STK3: variants seen among roughly 807,000 people sequenced by gnomAD.
The protein encoded by STK3 is serine/threonine kinase 3, also known as serine/threonine-protein kinase 3.
Under a neutral mutation model 58.0 loss-of-function variants are expected in STK3, and 41 were observed. The ratio of observed to expected loss-of-function variants is 0.71; its 90% CI spans 0.55 to 0.92. STK3 has a LOEUF of 0.92. STK3 is among the 40% of genes least tolerant of loss of function. The pLI, the probability that STK3 is intolerant of heterozygous loss-of-function variation, is 0.00. For synonymous variants in STK3, 170 were observed against 191.0 expected (o/e 0.89, Z 0.91); for missense variants, 479 against 602.7 (o/e 0.79, Z 2.15).
intron 4 of STK3, among the ~76,000 whole-genome samples, chr8:98,714,395 C>G (rs957166853): frequency 9.3e-4 from 142 of 152,248 alleles, no homozygotes; most frequent in African/African-American, 3.2e-3. Flanking sequence ...ATTGTCTCAG[C>G]CCAAAATCTC....
chr8:98,895,913 T>C (rs886218987), intron 1 of STK3, among the ~76,000 whole-genome samples: 1 of 152,210 alleles, frequency 6.6e-6, no homozygotes, highest in Non-Finnish European at 1.5e-5. Context: ...TATTGAATAC[T>C]ACTATGTCCC....
At position 98,923,406 on chromosome 8, in the gene STK3, A is replaced by G. The variant is rs73279734; in HGVS notation, c.-79+18972T>C. On this transcript the variant is annotated intron_variant, in intron 1 of 1. Coordinates refer to the STK3 transcript ENST00000519420. ...GCTTTTTAGAGTAGGCCTTGATTGC[A>G]TTTCAGAACAAATGCATTGATAGTT... Among the ~76,000 whole-genome samples, 967 of 152,350 alleles carry G rather than the reference A, an allele frequency of 6.3e-3. 6 individuals carry two copies. Among genetic ancestry groups the G allele is most frequent in the African/African-American group, 0.022 (913 of 41,580 alleles).
At position 98,454,739 on chromosome 8, in the gene STK3, G is replaced by T. The variant is rs1819367268; in HGVS notation, c.*1103C>A. On this transcript the variant is annotated 3_prime_UTR_variant, in exon 11 of 11. Coordinates refer to ENST00000419617, the MANE Select transcript of STK3 (RefSeq NM_006281.4). Reference sequence around the variant, plus strand: ...GATGGCCATATGTAGCTTAGGAAATGACTGGTCCCAATGCAATCATATAAA... The same window carrying T: ...GATGGCCATATGTAGCTTAGGAAATTACTGGTCCCAATGCAATCATATAAA... The T allele has an allele frequency of 6.6e-6, 1 of 152,544 alleles. No individual in the cohort carries two copies. Among genetic ancestry groups the T allele is most frequent in the African/African-American group, 2.4e-5 (1 of 41,436 alleles). 9.4% of individuals were successfully genotyped at this position (152,544 alleles called of 1,614,324 possible). A position where few individuals can be genotyped will look rare whatever the true frequency, so the allele number is the denominator to read the frequency against.
intron 3 of STK3, chr8:98,430,311 A>G (rs1051561668): frequency 3.6e-5 from 6 of 167,122 alleles, no homozygotes; most frequent in Non-Finnish European, 7.3e-5. Context: ...CCATTTGACC[A>G]AACTTTGCTG....
At chr8:98,877,902 A>T (rs555793576) in intron 3 of STK3, among the ~76,000 whole-genome samples, 2 of 152,320 alleles carry the variant, frequency 1.3e-5, no homozygotes, top group South Asian at 4.1e-4. Context: ...AAAGAATTAT[A>T]GAGATTGAGG....
Position 98,769,693 on chromosome 8 carries a change from T to G in STK3, c.108-2322A>C, listed in dbSNP as rs144382565. On this transcript the variant is annotated intron_variant, in intron 2 of 10. Transcript: ENST00000419617. ...AAACAGTTATTTAAATTATCACCCTTAGTTGCCTGGAGTCTAAGCAAAGCT... is the reference window on the plus strand; with the variant it reads ...AAACAGTTATTTAAATTATCACCCTGAGTTGCCTGGAGTCTAAGCAAAGCT... Among the ~76,000 whole-genome samples, 1,329 of 152,330 alleles carry G rather than the reference T, an allele frequency of 8.7e-3. 11 individuals are homozygous for G. The highest frequency in any genetic ancestry group is 0.03 in the African/African-American group (1,254 of 41,578).
intron 7 of STK3, among the ~76,000 whole-genome samples, chr8:98,590,262 T>G (rs980929921): frequency 1.1e-4 from 17 of 152,254 alleles, no homozygotes; most frequent in African/African-American, 4.1e-4. Context: ...TCTGTTCCTG[T>G]GCACCTCTTC....
At chr8:98,603,659 C>G (rs529834525) in intron 6 of STK3, among the ~76,000 whole-genome samples, 98 of 152,210 alleles carry the variant, frequency 6.4e-4, no homozygotes, top group South Asian at 1.5e-3. Flanking sequence ...ATGATCAATT[C>G]AGGCAAGGAA....
chr8:98,869,329 G>A (rs1044412905), intron 3 of STK3, among the ~76,000 whole-genome samples: 3 of 152,156 alleles, frequency 2.0e-5, no homozygotes, highest in South Asian at 2.1e-4. Flanking sequence ...GCTGAGGCAC[G>A]AGAATCGCTT....
chr8:98,461,985 A>G lies in STK3; in HGVS notation c.1318-5985T>C, dbSNP rs532855752. 8.0e-4 allele frequency among the ~76,000 whole-genome samples: 121 copies of G among 151,754 alleles called. 2 individuals are homozygous for G. In the South Asian group the frequency reaches 0.012, roughly 15 times the overall value. ...ACACTTTTTTTTTTTGTGGGTGCAT[A>G]CCGGGTACCTGAAATGTTTTGATAC... On this transcript the variant is annotated intron_variant, in intron 10 of 10. Coordinates refer to ENST00000419617, the MANE Select transcript of STK3 (RefSeq NM_006281.4).
chr8:98,923,828 C>CGTGTGTGTGTGTGTGTGTGT (rs55929161), intron 1 of STK3, among the ~76,000 whole-genome samples: 1 of 144,306 alleles, frequency 6.9e-6, no homozygotes, highest in African/African-American at 2.6e-5. Context: ...TTTGCAAAAA[C>CGTGTGTGTGTGTGTGTGTGT]GTGTGTGTGT....
chr8:98,420,883 T>C (rs1818166035), intron 3 of STK3, among the ~76,000 whole-genome samples: 1 of 152,252 alleles, frequency 6.6e-6, no homozygotes, highest in East Asian at 1.9e-4. Flanking sequence ...CATCTTTTAA[T>C]TCTCACAGTA....
intron 10 of STK3, among the ~76,000 whole-genome samples, chr8:98,472,692 A>G (rs1474344196): frequency 6.6e-6 from 1 of 152,214 alleles, no homozygotes; most frequent in Non-Finnish European, 1.5e-5. Context: ...TGCATTATGA[A>G]TTAGCCTATC....
At chr8:98,536,115 C>T (rs890457366) in intron 9 of STK3, among the ~76,000 whole-genome samples, 1 of 152,122 alleles carries the variant, frequency 6.6e-6, no homozygotes, top group Non-Finnish European at 1.5e-5. Context: ...CTGACAACAT[C>T]CCAATCAGGA....
intron 8 of STK3, among the ~76,000 whole-genome samples, chr8:98,575,690 T>C (rs1410099055): frequency 4.0e-5 from 6 of 151,844 alleles, no homozygotes; most frequent in African/African-American, 1.2e-4. Context: ...CAGGCTAGTC[T>C]TGAATTCCTG....
chr8:98,476,524 A>G (rs1309692514), intron 10 of STK3, among the ~76,000 whole-genome samples: 1 of 152,206 alleles, frequency 6.6e-6, no homozygotes, highest in African/African-American at 2.4e-5. Flanking sequence ...GAAAAAGGAA[A>G]AAAACTGATT....
intron 1 of STK3, among the ~76,000 whole-genome samples, chr8:98,793,817 C>CAAA (rs370466236): frequency 6.9e-6 from 1 of 143,888 alleles, no homozygotes; most frequent in African/African-American, 2.5e-5. Context: ...TCAATTAATT[C>CAAA]AAAAAAAAAA....
intron 8 of STK3, among the ~76,000 whole-genome samples, chr8:98,556,507 A>C (rs1326363693): frequency 6.6e-6 from 1 of 152,106 alleles, no homozygotes; most frequent in Non-Finnish European, 1.5e-5. Context: ...TTAGGGAAGA[A>C]TAGACAGTGG....
chr8:98,348,230 GA>G, the STK3 span, among the ~76,000 whole-genome samples: 1 of 152,162 alleles, frequency 6.6e-6, no homozygotes, highest in Non-Finnish European at 1.5e-5. Context: ...ACTAGACAAA[GA>G]CTTTACATCC....
Sources: gnomAD v4.1 joint callset for allele counts (sites outside exome capture counted in the v4.1 genomes callset) on GRCh38, gnomAD v4.1.1 for gene constraint, MANE v1.5 for transcripts, NCBI Gene and HGNC (gene_info 2026-07-23, HGNC 2026-07-21) for gene names.